PCMTD1: variants seen among roughly 807,000 people sequenced by gnomAD.
PCMTD1 encodes the protein protein-L-isoaspartate O-methyltransferase domain-containing protein 1.
PCMTD1 carries 12 observed loss-of-function variants against 37.6 expected under a neutral mutation model. The ratio of observed to expected loss-of-function variants is 0.32; its 90% CI spans 0.20 to 0.52. The LOEUF is 0.52. Among genes scored for constraint, PCMTD1 ranks in the 20% least tolerant of loss-of-function variants. PCMTD1 has a pLI of 0.97. For synonymous variants in PCMTD1, 117 were observed against 135.8 expected, an observed-to-expected ratio of 0.86 and a Z score of 0.96; for missense variants, 235 against 421.3, an observed-to-expected ratio of 0.56 and a Z score of 3.87.
At chr8:51,839,437 A>G in intron 3 of PCMTD1, 1 of 985,020 alleles carries the variant, frequency 1.0e-6, no homozygotes, top group Non-Finnish European at 1.2e-6. Context: ...CCAGGATTCT[A>G]ATCACTTACC....
At chr8:51,852,977 C>T (rs2038330511) in intron 2 of PCMTD1, among the ~76,000 whole-genome samples, 1 of 152,130 alleles carries the variant, frequency 6.6e-6, no homozygotes, top group Admixed American at 6.5e-5. Flanking sequence ...TTTAAGAACC[C>T]AGATTGGAGT....
chr8:51,855,564 T>A (rs1039237548), intron 2 of PCMTD1, among the ~76,000 whole-genome samples: 6 of 78,764 alleles, frequency 7.6e-5, no homozygotes, highest in East Asian at 6.2e-4. Flanking sequence ...AAATTCCTTT[T>A]AAAAAAAAAG....
At chr8:51,824,890 C>T (rs976664216) in intron 5 of PCMTD1, among the ~76,000 whole-genome samples, 1 of 152,156 alleles carries the variant, frequency 6.6e-6, no homozygotes, top group Non-Finnish European at 1.5e-5. Flanking sequence ...AATAACACTA[C>T]ACATCTACAA....
Position 51,898,991 on chromosome 8 carries a change from A to T in PCMTD1, c.-157T>A. The T allele has an allele frequency of 6.6e-7, 1 of 1,506,506 alleles. No individual in the cohort carries two copies. The allele number at this position is 1,506,506 out of a possible 1,614,324, so 93.3% of individuals were successfully genotyped here. A position where few individuals can be genotyped will look rare whatever the true frequency, so the allele number is the denominator to read the frequency against. On this transcript the variant is annotated 5_prime_UTR_variant, in exon 1 of 6. Transcript: ENST00000522514. ...GGACTCGGCGGGGTCCGCAGCAGCC[A>T]GACGCCGCTACCACCACAATAACAA...
At chr8:51,888,868 T>A (rs1004817727) in intron 1 of PCMTD1, among the ~76,000 whole-genome samples, 2 of 152,180 alleles carry the variant, frequency 1.3e-5, no homozygotes, top group East Asian at 3.8e-4. Context: ...TGAGGAACAG[T>A]ATGATAATGG....
In PCMTD1 at chr8:51,820,369, T is replaced by C. The variant is rs143224365; in HGVS notation, c.1056A>G (p.Thr352=). ...PLPESLKAYL[T]YFRDK ...ATCTAAGTTATTTGTCTCTAAAATATGTCAAGTAAGCTTTTAAAGATTCAG... is the reference window on the plus strand; with the variant it reads ...ATCTAAGTTATTTGTCTCTAAAATACGTCAAGTAAGCTTTTAAAGATTCAG... Residue 352 remains threonine (T), a synonymous_variant, in exon 6 of 6, where the codon ACA becomes ACG. Coordinates refer to ENST00000522514, the MANE Select transcript of PCMTD1 (RefSeq NM_052937.4). 1.6e-5 allele frequency: 26 copies of C among 1,579,532 alleles called. No homozygotes were observed. The African/African-American group carries it at 2.7e-4, about 17-fold the overall frequency.
At chr8:51,844,526 G>T (rs2038190926) in intron 3 of PCMTD1, among the ~76,000 whole-genome samples, 1 of 152,064 alleles carries the variant, frequency 6.6e-6, no homozygotes, top group Non-Finnish European at 1.5e-5. Context: ...CATTACATCA[G>T]GTTTCTGTTC....
intron 1 of PCMTD1, among the ~76,000 whole-genome samples, chr8:51,888,283 G>A (rs2038891668): frequency 6.6e-6 from 1 of 152,136 alleles, no homozygotes; most frequent in South Asian, 2.1e-4. Flanking sequence ...TATAGTAGCA[G>A]ATTCAAAATT....
chr8:51,880,346 A>G (rs1294458264), intron 1 of PCMTD1, among the ~76,000 whole-genome samples: 7 of 152,236 alleles, frequency 4.6e-5, no homozygotes, highest in African/African-American at 7.2e-5. Context: ...CTTTAGGCCT[A>G]TAAGATTCAT....
intron 3 of PCMTD1, among the ~76,000 whole-genome samples, chr8:51,835,607 CT>C (rs2038057313): frequency 6.6e-6 from 1 of 152,160 alleles, no homozygotes; most frequent in African/African-American, 2.4e-5. Context: ...ATTTTAAATG[CT>C]TTAATTTTAT....
chr8:51,852,658 T>C lies in PCMTD1; in HGVS notation c.308-6895A>G, dbSNP rs1340064960. Among the ~76,000 whole-genome samples, 10 of 152,262 alleles carry C rather than the reference T, an allele frequency of 6.6e-5. No homozygotes were observed. The East Asian group carries it at 1.7e-3, about 26-fold the overall frequency. On this transcript the variant is annotated intron_variant, in intron 2 of 5. Transcript: ENST00000522514. ...AGTGGGGAGGCAACGAGGTAAAATA[T>C]AGGAGAGGAAGAGAAGGAAAATATT...
At chr8:51,845,901 C>A in intron 2 of PCMTD1, 138 bp from the exon 3 acceptor site, 4 of 541,854 alleles carry the variant, frequency 7.4e-6, no homozygotes, top group South Asian at 3.2e-5. Flanking sequence ...TAGCCTCAGA[C>A]TTAAAAGTTG....
intron 3 of PCMTD1, among the ~76,000 whole-genome samples, chr8:51,840,834 C>G (rs2038137882): frequency 6.6e-6 from 1 of 152,028 alleles, no homozygotes; most frequent in Admixed American, 6.6e-5. Context: ...CATCCCTGAC[C>G]CCAATAAAAA....
intron 1 of PCMTD1, among the ~76,000 whole-genome samples, chr8:51,883,144 A>T (rs564178184): frequency 2.0e-5 from 3 of 152,176 alleles, no homozygotes; most frequent in Non-Finnish European, 2.9e-5. Context: ...CTCAAAAAAA[A>T]AGAACAGACA....
Position 51,833,659 on chromosome 8 carries a change from A to G in PCMTD1, c.441T>C (p.Val147=). ...KFEFCEPAFV[V]GNCLQIASDS... is the part of the protein sequence containing the mutation. Reference sequence around the variant, plus strand: ...CAGAAGCTATCTGGAGGCAATTACCAACAACAAATGCAGGTTCACAGAACT... The same window carrying G: ...CAGAAGCTATCTGGAGGCAATTACCGACAACAAATGCAGGTTCACAGAACT... Residue 147 remains valine (V), a synonymous_variant, in exon 4 of 6, where the codon GTT becomes GTC. Coordinates refer to ENST00000522514, the MANE Select transcript of PCMTD1 (RefSeq NM_052937.4). 6.2e-7 allele frequency: 1 copy of G among 1,611,230 alleles called. No homozygotes were observed. Among genetic ancestry groups the G allele is most frequent in the Non-Finnish European group, 8.5e-7 (1 of 1,179,562 alleles).
intron 1 of PCMTD1, among the ~76,000 whole-genome samples, chr8:51,885,916 A>G (rs898977918): frequency 6.6e-6 from 1 of 152,238 alleles, no homozygotes; most frequent in African/African-American, 2.4e-5. Flanking sequence ...GTGTTATCCA[A>G]TGACATTACT....
At chr8:51,825,899 TTGG>T (rs966544436) in intron 5 of PCMTD1, among the ~76,000 whole-genome samples, 2 of 152,100 alleles carry the variant, frequency 1.3e-5, no homozygotes, top group African/African-American at 4.8e-5. Flanking sequence ...TTTTACACTG[TTGG>T]TGGGAGTGTA....
At chr8:51,874,058 C>T (rs2038678249) in intron 1 of PCMTD1, among the ~76,000 whole-genome samples, 1 of 151,886 alleles carries the variant, frequency 6.6e-6, no homozygotes, top group African/African-American at 2.4e-5. Flanking sequence ...CACCACCACG[C>T]CTGGCTAATT....
intron 2 of PCMTD1, among the ~76,000 whole-genome samples, chr8:51,850,686 C>T (rs1218598953): frequency 6.6e-6 from 1 of 152,080 alleles, no homozygotes; most frequent in Non-Finnish European, 1.5e-5. Flanking sequence ...TAAATATTCA[C>T]CACAAGGGGG....
Sources: gnomAD v4.1 joint callset for allele counts (sites outside exome capture counted in the v4.1 genomes callset) on GRCh38, gnomAD v4.1.1 for gene constraint, MANE v1.5 for transcripts, NCBI Gene and HGNC (gene_info 2026-07-23, HGNC 2026-07-21) for gene names.